The following CNGB1 variants were observed in gnomAD, a reference collection of about 807,000 sequenced individuals.
CNGB1 encodes the protein cyclic nucleotide gated channel subunit beta 1.
Under a neutral mutation model 151.7 loss-of-function variants are expected in CNGB1, and 126 were observed. The ratio of observed to expected loss-of-function variants is 0.83; its 90% confidence interval spans 0.72 to 0.96. CNGB1 has a LOEUF of 0.96. CNGB1 is among the 40% of genes least tolerant of loss of function. CNGB1 has a pLI of 0.00. For missense variants in CNGB1, 1,698 were observed against 1,627.0 expected (o/e 1.04, Z -0.75); for synonymous variants, 623 against 635.1 (o/e 0.98, Z 0.29).
Position 57,950,450 on chromosome 16 carries a change from G to A in CNGB1, c.965C>T (p.Thr322Ile), listed in dbSNP as rs757827406. ...PWEDAHQDVS[T>I]SPQGTEVVPA... ...AACCACCTCTGTACCCTGTGGGCTG[G>A]TACTGACATCCTGGTGGGCATCCTC... is the stretch of plus-strand genomic sequence containing the variant. Residue 322 changes from threonine to isoleucine, a missense_variant, in exon 13 of 33, where the codon ACC becomes ATC. Thr to Ile is a moderately conservative substitution (Grantham distance 89). Coordinates refer to ENST00000251102, the MANE Select transcript of CNGB1 (RefSeq NM_001297.5). The A allele has an allele frequency of 5.3e-5, 85 of 1,614,110 alleles. No individual in the cohort carries two copies. Among genetic ancestry groups the A allele is most frequent in the Non-Finnish European group, 7.0e-5 (83 of 1,180,048 alleles).
chr16:57,964,153 G>A lies in CNGB1; in HGVS notation c.267C>T (p.Gly89=), dbSNP rs113446473. The A allele has an allele frequency of 1.3e-5, 21 of 1,614,036 alleles. No individual in the cohort carries two copies. Among genetic ancestry groups the A allele is most frequent in the African/African-American group, 4.0e-5 (3 of 74,918 alleles). The part of the protein sequence containing the change: ...LTSTISLRAQ[G]AEISEMNSPS... Reference sequence around the variant, plus strand: ...ACCTATTCATTTCAGAAATCTCAGCGCCCTGGGCCCGGAGGGATATGGTGG... The same window carrying A: ...ACCTATTCATTTCAGAAATCTCAGCACCCTGGGCCCGGAGGGATATGGTGG... The change falls in exon 4 of 33, where the codon GGC becomes GGT. Residue 89 remains glycine, a synonymous_variant. Coordinates refer to ENST00000251102, the MANE Select transcript of CNGB1 (RefSeq NM_001297.5).
At chr16:57,904,661 T>G (rs1596963308) in intron 26 of CNGB1, 73 bp downstream of exon 26, 2 of 1,602,102 alleles carry the variant, frequency 1.2e-6, no homozygotes, top group Non-Finnish European at 1.7e-6. Flanking sequence ...GCACAGAGGG[T>G]GACATTTCTG....
At chr16:57,890,176 A>C (rs1257088398) in intron 31 of CNGB1, among the ~76,000 whole-genome samples, 1 of 152,212 alleles carries the variant, frequency 6.6e-6, no homozygotes, top group Non-Finnish European at 1.5e-5. Flanking sequence ...TTCATTCATC[A>C]AGGCTCCAGC....
intron 25 of CNGB1, among the ~76,000 whole-genome samples, chr16:57,909,802 T>C (rs892169914): frequency 6.6e-6 from 1 of 152,204 alleles, no homozygotes; most frequent in African/African-American, 2.4e-5. Flanking sequence ...TTCCTTTTCA[T>C]CGAGGCAGTT....
intron 3 of CNGB1, 92 bp downstream of exon 3, chr16:57,964,395 A>T: frequency 6.6e-7 from 1 of 1,520,750 alleles, no homozygotes. Flanking sequence ...CATCTGTGAA[A>T]TGGGTCCGCC....
chr16:57,936,219 C>T (rs1444526641), intron 16 of CNGB1, among the ~76,000 whole-genome samples: 1 of 152,172 alleles, frequency 6.6e-6, no homozygotes, highest in African/African-American at 2.4e-5. Context: ...CCACCCTAGC[C>T]TCTGAGGATG....
At chr16:57,917,533 G>A in intron 20 of CNGB1, 57 bp from the exon 21 acceptor site, 1 of 1,553,500 alleles carries the variant, frequency 6.4e-7, no homozygotes, top group Admixed American at 1.7e-5. Context: ...CTCTTCACCA[G>A]TTGGATCAGG....
intron 2 of CNGB1, among the ~76,000 whole-genome samples, chr16:57,965,733 CACAT>C (rs1365185458): frequency 4.4e-4 from 67 of 152,210 alleles, no homozygotes; most frequent in Admixed American, 3.8e-3. Flanking sequence ...AATATGTAGA[CACAT>C]ACACACACAT....
chr16:57,939,941 G>GC (rs1961619838), intron 15 of CNGB1, among the ~76,000 whole-genome samples: 1 of 152,178 alleles, frequency 6.6e-6, no homozygotes, highest in Admixed American at 6.5e-5. Flanking sequence ...GGCGTCTGTA[G>GC]CCCCCTCGTG....
intron 18 of CNGB1, 95 bp downstream of exon 18, chr16:57,923,178 C>T (rs1324458836): frequency 1.3e-5 from 12 of 906,974 alleles, no homozygotes; most frequent in South Asian, 4.4e-5. Context: ...GTCTGCCTTG[C>T]GGTAGAAGGT....
Position 57,912,708 on chromosome 16 carries a change from T to A in CNGB1, c.2369+222A>T, listed in dbSNP as rs1236637884. On this transcript the variant is annotated intron_variant, in intron 24 of 32. Transcript: ENST00000251102. ...TGTTATATCTCTGTTGTGTGTGTGT[T>A]GTGCACGTATGTATGTGTTGTGTGT... Among the ~76,000 whole-genome samples the A allele has an allele frequency of 4.6e-5, 7 of 151,128 alleles. No homozygotes were observed. In the East Asian group the frequency reaches 1.4e-3, roughly 29 times the overall value.
At chr16:57,902,026 G>A (rs1271130411) in intron 27 of CNGB1, among the ~76,000 whole-genome samples, 3 of 152,146 alleles carry the variant, frequency 2.0e-5, no homozygotes, top group Admixed American at 1.3e-4. Context: ...GCACTTCTAT[G>A]AGCCAGGCAC....
chr16:57,950,252 CTGTA>C, intron 13 of CNGB1, 125 bp downstream of exon 13: 1 of 1,094,648 alleles, frequency 9.1e-7, no homozygotes, highest in Non-Finnish European at 1.4e-6. Flanking sequence ...AGAAGGATGG[CTGTA>C]TGAAGGCAGG....
rs760373259 is a variant in CNGB1, at chr16:57,915,268, C to T, written c.2285G>A (p.Arg762His). 6.2e-6 allele frequency: 10 copies of T among 1,613,574 alleles called. No homozygotes were observed. The highest frequency in any genetic ancestry group is 2.2e-5 in the East Asian group (1 of 44,886). ...TCCTACCTTTAAACAGCGGGGCAGG[C>T]GGAGGAGGGGGTTCACACCGACTTT... ...YLKVGVNPLL[R>H]LPRCLKYMAF... Residue 762 changes from arginine to histidine, a missense_variant, in exon 23 of 33, where the codon CGC (arginine) becomes CAC (histidine). By Grantham distance (29) the Arg-to-His change is conservative. Transcript: ENST00000251102.
intron 31 of CNGB1, among the ~76,000 whole-genome samples, chr16:57,894,757 G>C (rs1960178960): frequency 6.6e-6 from 1 of 152,160 alleles, no homozygotes; most frequent in Non-Finnish European, 1.5e-5. Flanking sequence ...TTTTCTGAGT[G>C]CCCCATTTTG....
intron 17 of CNGB1, among the ~76,000 whole-genome samples, chr16:57,928,482 G>A (rs917671839): frequency 2.6e-5 from 4 of 152,194 alleles, no homozygotes; most frequent in Admixed American, 6.5e-5. Flanking sequence ...AGACAGCACC[G>A]TAAACTGGAT....
chr16:57,944,321 T>C (rs540879803), intron 14 of CNGB1, among the ~76,000 whole-genome samples: 2 of 151,568 alleles, frequency 1.3e-5, no homozygotes, highest in African/African-American at 4.8e-5. Flanking sequence ...ATACGTGGAG[T>C]GTAAAAAAGT....
At chr16:57,939,359 G>A (rs1055135826) in intron 16 of CNGB1, 71 bp downstream of exon 16, 26 of 1,602,242 alleles carry the variant, frequency 1.6e-5, no homozygotes, top group Admixed American at 1.3e-4. Context: ...GCCCCTGCAC[G>A]AAGGCTGCCT....
chr16:57,901,264 G>A (rs562179765), intron 29 of CNGB1, 88 bp downstream of exon 29: 2 of 1,260,864 alleles, frequency 1.6e-6, no homozygotes, highest in African/African-American at 1.5e-5. Context: ...CTCTGCCCTG[G>A]GCTGGCAGGC....
Sources: gnomAD v4.1 joint callset for allele counts (sites outside exome capture counted in the v4.1 genomes callset) on GRCh38, gnomAD v4.1.1 for gene constraint, MANE v1.5 for transcripts, NCBI Gene and HGNC (gene_info 2026-07-23, HGNC 2026-07-21) for gene names.